The following GALNT13 variants were observed in gnomAD, a reference collection of about 807,000 sequenced individuals.
GALNT13 encodes polypeptide N-acetylgalactosaminyltransferase 13, also known as UDP-GalNAc:polypeptide N-acetylgalactosaminyltransferase 13.
GALNT13 carries 28 observed loss-of-function variants against 64.2 expected under a neutral mutation model. The observed-to-expected ratio is 0.44, with a 90% confidence interval of 0.32 to 0.60. GALNT13 has a LOEUF of 0.60. Among genes scored for constraint, GALNT13 ranks in the 20% least tolerant of loss-of-function variants. The pLI, the probability that GALNT13 is intolerant of heterozygous loss-of-function variation, is 0.05. For missense variants in GALNT13, 577 were observed against 669.8 expected (o/e 0.86, Z 1.53); for synonymous variants, 214 against 224.6 (o/e 0.95, Z 0.42).
the GALNT13 span, among the ~76,000 whole-genome samples, chr2:153,133,762 C>G: frequency 6.6e-6 from 1 of 150,396 alleles, no homozygotes; most frequent in Admixed American, 6.6e-5. Flanking sequence ...GTCATCAAGT[C>G]TGACAAAATG....
the GALNT13 span, among the ~76,000 whole-genome samples, chr2:153,395,341 C>T: frequency 6.6e-6 from 1 of 152,058 alleles, no homozygotes; most frequent in Non-Finnish European, 1.5e-5. Flanking sequence ...CATGGAGTCA[C>T]GGTTGTACAG....
At chr2:153,851,556 G>A in the GALNT13 span, among the ~76,000 whole-genome samples, 2 of 149,512 alleles carry the variant, frequency 1.3e-5, no homozygotes, top group Admixed American at 1.3e-4. Flanking sequence ...AAAAAAAAAA[G>A]TAGCTTGGTG....
the GALNT13 span, among the ~76,000 whole-genome samples, chr2:153,791,170 G>A: frequency 3.3e-5 from 5 of 151,930 alleles, no homozygotes; most frequent in Admixed American, 6.6e-5. Context: ...AAACAAATTT[G>A]CAAGAAAAAA....
intron 3 of GALNT13, among the ~76,000 whole-genome samples, chr2:153,965,185 A>AT (rs913065797): frequency 6.6e-5 from 10 of 152,218 alleles, no homozygotes; most frequent in Non-Finnish European, 8.8e-5. Flanking sequence ...AGCATTTACG[A>AT]TTTTTTTGTG....
chr2:153,105,110 C>G, the GALNT13 span, among the ~76,000 whole-genome samples: 2,225 of 144,622 alleles, frequency 0.015, 69 homozygotes, highest in African/African-American at 0.054. Flanking sequence ...TGTTCAATTC[C>G]TTTTCTAAAC....
At chr2:153,320,455 C>T in the GALNT13 span, among the ~76,000 whole-genome samples, 2 of 152,152 alleles carry the variant, frequency 1.3e-5, no homozygotes, top group African/African-American at 4.8e-5. Context: ...GTGAACATGA[C>T]AGATGAGGTC....
At chr2:153,275,623 TC>T in the GALNT13 span, among the ~76,000 whole-genome samples, 1 of 132,928 alleles carries the variant, frequency 7.5e-6, no homozygotes, top group South Asian at 2.3e-4. Context: ...ATAATGTCTC[TC>T]TCTTTCTCTC....
chr2:153,694,816 TAC>T, the GALNT13 span, among the ~76,000 whole-genome samples: 32 of 152,284 alleles, frequency 2.1e-4, no homozygotes, highest in Admixed American at 1.2e-3. Context: ...ATGTCTAAGA[TAC>T]TATGTCCGGA....
At chr2:153,618,715 T>C in the GALNT13 span, among the ~76,000 whole-genome samples, 1 of 152,038 alleles carries the variant, frequency 6.6e-6, no homozygotes, top group Non-Finnish European at 1.5e-5. Flanking sequence ...TGGGTGCATA[T>C]ATATTTAAAA....
At chr2:153,968,118 C>A (rs1210378768) in intron 3 of GALNT13, among the ~76,000 whole-genome samples, 1 of 152,156 alleles carries the variant, frequency 6.6e-6, no homozygotes, top group Non-Finnish European at 1.5e-5. Context: ...CCCAAGTCCA[C>A]TGCCTCTGAG....
In GALNT13 at chr2:154,285,074, T is replaced by C. The variant is rs75065234; in HGVS notation, c.976-16335T>C. On this transcript the variant is annotated intron_variant, in intron 8 of 12. Transcript: ENST00000392825. ...CTTGCCTATTTTGAAATTGGGTTATTAATATTTTTGCTGTTAAGTTGTTTG... is the reference window on the plus strand; with the variant it reads ...CTTGCCTATTTTGAAATTGGGTTATCAATATTTTTGCTGTTAAGTTGTTTG... Among the ~76,000 whole-genome samples the C allele has an allele frequency of 2.5e-3, 381 of 152,252 alleles. 2 individuals carry two copies. The highest frequency in any genetic ancestry group is 8.4e-3 in the African/African-American group (351 of 41,572).
rs115431391 is a variant in GALNT13 at position 154,090,026 on chromosome 2, G to A, written c.143-50311G>A. ...GAGGAAAAAGATGACTTTGTCATGA[G>A]TGTGCCTTGCGAGAAGCACAAGTTT... On this transcript the variant is annotated intron_variant, in intron 3 of 12. Transcript: ENST00000392825. Among the ~76,000 whole-genome samples, 1,063 of 152,138 alleles carry A rather than the reference G, an allele frequency of 7.0e-3. 11 individuals carry two copies. The highest frequency in any genetic ancestry group is 0.024 in the African/African-American group (979 of 41,536).
the GALNT13 span, among the ~76,000 whole-genome samples, chr2:153,439,105 G>A: frequency 6.6e-6 from 1 of 152,118 alleles, no homozygotes; most frequent in African/African-American, 2.4e-5. Context: ...TGTTTGCCTG[G>A]GTATCAGCAG....
At chr2:153,758,990 A>G in the GALNT13 span, among the ~76,000 whole-genome samples, 1 of 152,152 alleles carries the variant, frequency 6.6e-6, no homozygotes, top group Admixed American at 6.6e-5. Flanking sequence ...AAGCTTTGAA[A>G]TTTTTAGTGT....
At chr2:154,241,326 C>T (rs1689478938) in intron 4 of GALNT13, among the ~76,000 whole-genome samples, 1 of 152,204 alleles carries the variant, frequency 6.6e-6, no homozygotes, top group South Asian at 2.1e-4. Context: ...TTCTACCCAG[C>T]ACTTCCCTTC....
the GALNT13 span, among the ~76,000 whole-genome samples, chr2:153,738,356 T>TAAC: frequency 1.3e-5 from 2 of 152,054 alleles, no homozygotes; most frequent in South Asian, 4.1e-4. Flanking sequence ...GAAAGTTGTA[T>TAAC]AGTTCACTTC....
the GALNT13 span, among the ~76,000 whole-genome samples, chr2:153,190,840 T>A: frequency 6.6e-6 from 1 of 152,042 alleles, no homozygotes; most frequent in Non-Finnish European, 1.5e-5. Flanking sequence ...GTAGCTATTG[T>A]CAGTGAGATT....
chr2:154,390,262 A>G (rs1698722546), intron 9 of GALNT13, among the ~76,000 whole-genome samples: 1 of 152,196 alleles, frequency 6.6e-6, no homozygotes, highest in South Asian at 2.1e-4. Flanking sequence ...GGGTGCATGT[A>G]CAGATTTGTT....
At chr2:153,528,371 G>A in the GALNT13 span, among the ~76,000 whole-genome samples, 1 of 152,002 alleles carries the variant, frequency 6.6e-6, no homozygotes, top group African/African-American at 2.4e-5. Context: ...AATTCAGCAA[G>A]AGGATATAAC....
Sources: allele counts gnomAD v4.1 joint callset (sites outside exome capture counted in the v4.1 genomes callset), GRCh38; gene constraint gnomAD v4.1.1; transcripts MANE v1.5; gene names NCBI Gene and HGNC (gene_info 2026-07-23, HGNC 2026-07-21).